NAALADL2: variants seen among roughly 807,000 people sequenced by gnomAD.
The protein encoded by NAALADL2 is inactive N-acetylated-alpha-linked acidic dipeptidase-like protein 2.
NAALADL2 carries 76 observed loss-of-function variants against 87.2 expected under a neutral mutation model. That is an observed-to-expected ratio of 0.87 (90% confidence interval 0.72 to 1.05). NAALADL2 has a LOEUF of 1.05. NAALADL2 is among the 50% of genes least tolerant of loss of function. The probability of loss-of-function intolerance (pLI) is 0.00; values close to 1 mark genes in which losing one functional copy is unlikely to be tolerated. For missense variants in NAALADL2, 1,089 were observed against 945.8 expected (o/e 1.15, Z -1.99); for synonymous variants, 354 against 331.0 (o/e 1.07, Z -0.75).
At chr3:175,339,106 C>T (rs1201573483) in intron 5 of NAALADL2, among the ~76,000 whole-genome samples, 2 of 152,176 alleles carry the variant, frequency 1.3e-5, no homozygotes, top group Non-Finnish European at 2.9e-5. Context: ...TGCTGGCACG[C>T]AGTTCAAAGC....
At chr3:175,680,953 C>G (rs1735508458) in intron 11 of NAALADL2, among the ~76,000 whole-genome samples, 1 of 151,954 alleles carries the variant, frequency 6.6e-6, no homozygotes, top group African/African-American at 2.4e-5. Context: ...TCTCTACTAA[C>G]ATACAAAAAA....
intron 3 of NAALADL2, among the ~76,000 whole-genome samples, chr3:174,814,652 A>G (rs937348916): frequency 1.3e-5 from 2 of 152,346 alleles, no homozygotes; most frequent in South Asian, 2.1e-4. Flanking sequence ...GGAATAATTA[A>G]TAATATCAAA....
chr3:174,609,389 C>T (rs78229908), intron 2 of NAALADL2, among the ~76,000 whole-genome samples: 79,474 of 150,748 alleles, frequency 0.53, 21,653 homozygotes, highest in Middle Eastern at 0.6. Context: ...TGTTTGCAGA[C>T]AACATGATTG....
chr3:175,308,921 A>G (rs1758014115), intron 4 of NAALADL2, among the ~76,000 whole-genome samples: 1 of 152,162 alleles, frequency 6.6e-6, no homozygotes, highest in Admixed American at 6.5e-5. Context: ...TAGGCATCCA[A>G]TTTGCTCCCC....
intron 1 of NAALADL2, among the ~76,000 whole-genome samples, chr3:174,968,860 CAAAG>C (rs922846326): frequency 7.0e-4 from 106 of 152,160 alleles, no homozygotes; most frequent in African/African-American, 2.3e-3. Flanking sequence ...TGAATTTTCT[CAAAG>C]AAAGAGACCT....
At chr3:175,413,136 G>A (rs1346525704) in intron 5 of NAALADL2, among the ~76,000 whole-genome samples, 9 of 143,128 alleles carry the variant, frequency 6.3e-5, no homozygotes, top group Non-Finnish European at 9.3e-5. Flanking sequence ...TGATCTGCCC[G>A]CCTTGGCCTC....
At chr3:174,929,307 T>C (rs923697049) in intron 1 of NAALADL2, among the ~76,000 whole-genome samples, 7 of 152,170 alleles carry the variant, frequency 4.6e-5, no homozygotes, top group African/African-American at 1.7e-4. Flanking sequence ...GAAAGTGAAA[T>C]GTCTGATTTT....
At chr3:175,517,588 C>T (rs1403075360) in intron 9 of NAALADL2, among the ~76,000 whole-genome samples, 4 of 151,890 alleles carry the variant, frequency 2.6e-5, no homozygotes, top group African/African-American at 4.8e-5. Flanking sequence ...ATATAGAAAA[C>T]CAGTTACTAG....
chr3:174,762,151 A>G (rs1021253931), intron 3 of NAALADL2, among the ~76,000 whole-genome samples: 12 of 150,052 alleles, frequency 8.0e-5, no homozygotes, highest in Non-Finnish European at 1.6e-4. Context: ...GATTTTTTCT[A>G]TACGTTTTCT....
intron 11 of NAALADL2, among the ~76,000 whole-genome samples, chr3:175,722,478 G>A (rs1395730958): frequency 6.6e-6 from 1 of 152,062 alleles, no homozygotes; most frequent in Non-Finnish European, 1.5e-5. Context: ...GTCCCCAGTT[G>A]TTTAAATAAG....
intron 1 of NAALADL2, among the ~76,000 whole-genome samples, chr3:174,881,979 T>C (rs775675846): frequency 5.9e-5 from 9 of 152,176 alleles, no homozygotes; most frequent in Non-Finnish European, 1.2e-4. Context: ...TATGTATTTA[T>C]CTAAAATGCT....
chr3:174,654,060 TTGTGTGTGTGTGTGTGTGTG>T (rs137877260), intron 2 of NAALADL2, among the ~76,000 whole-genome samples: 1 of 143,962 alleles, frequency 6.9e-6, no homozygotes, highest in African/African-American at 2.5e-5. Flanking sequence ...TAAGATGGCT[TTGTGTGTGTGTGTGTGTGTG>T]TGTGTGTGTG....
At chr3:174,906,235 A>G (rs1278696425) in intron 1 of NAALADL2, among the ~76,000 whole-genome samples, 1 of 152,130 alleles carries the variant, frequency 6.6e-6, no homozygotes, top group Admixed American at 6.6e-5. Context: ...TAATGTAAGA[A>G]GAAACATGCA....
intron 13 of NAALADL2, among the ~76,000 whole-genome samples, chr3:175,756,744 A>C (rs1747314567): frequency 6.6e-6 from 1 of 151,986 alleles, no homozygotes. Flanking sequence ...TAGAAGCCCA[A>C]ACTTCACCAT....
intron 2 of NAALADL2, among the ~76,000 whole-genome samples, chr3:174,670,013 G>C (rs1247779553): frequency 6.6e-6 from 1 of 151,880 alleles, no homozygotes; most frequent in African/African-American, 2.4e-5. Flanking sequence ...GCTAATAAAA[G>C]TATTTTATTG....
At chr3:175,366,547 C>A (rs1375171459) in intron 5 of NAALADL2, among the ~76,000 whole-genome samples, 1 of 151,758 alleles carries the variant, frequency 6.6e-6, no homozygotes, top group African/African-American at 2.4e-5. Flanking sequence ...TAATGGTTGT[C>A]ATTCTAACTG....
Position 174,975,508 on chromosome 3 carries a change from A to T in NAALADL2, c.43+116058A>T, listed in dbSNP as rs562615029. On this transcript the variant is annotated intron_variant, in intron 1 of 13. Coordinates refer to ENST00000454872, the MANE Select transcript of NAALADL2 (RefSeq NM_207015.3). ...TTTTTTCCATTATTTTTAATGACAA[A>T]AACCACAATTACTTTTGCACCAACC... 1.6e-4 allele frequency among the ~76,000 whole-genome samples: 25 copies of T among 152,276 alleles called. No homozygotes were observed. The East Asian group carries it at 4.2e-3, about 26-fold the overall frequency.
At chr3:175,447,196 T>A (rs1231262457) in intron 5 of NAALADL2, 33 bp from the exon 6 acceptor site, 1 of 1,458,242 alleles carries the variant, frequency 6.9e-7, no homozygotes, top group Non-Finnish European at 9.2e-7. Context: ...TTCTGTTTAC[T>A]AAGGATTATC....
At chr3:174,719,560 C>T (rs1031349061) in intron 2 of NAALADL2, among the ~76,000 whole-genome samples, 4 of 152,134 alleles carry the variant, frequency 2.6e-5, no homozygotes, top group East Asian at 1.9e-4. Flanking sequence ...CTGTAACTCA[C>T]GTATACTCCC....
Sources: gnomAD v4.1 joint callset for allele counts (sites outside exome capture counted in the v4.1 genomes callset) on GRCh38, gnomAD v4.1.1 for gene constraint, MANE v1.5 for transcripts, NCBI Gene and HGNC (gene_info 2026-07-23, HGNC 2026-07-21) for gene names.